MCPH1: variants seen among roughly 807,000 people sequenced by gnomAD.
The protein encoded by MCPH1 is microcephalin.
A neutral mutation model predicts 84.5 loss-of-function variants in MCPH1; 104 were observed. The ratio of observed to expected loss-of-function variants is 1.23; its 90% confidence interval spans 1.05 to 1.45. The LOEUF (loss-of-function observed/expected upper bound fraction) is 1.45, where lower values mean the gene tolerates loss of function less well. Ranked by LOEUF, MCPH1 falls within the 40% of genes most tolerant of loss-of-function variation. The probability of loss-of-function intolerance (pLI) is 0.00; values close to 1 mark genes in which losing one functional copy is unlikely to be tolerated. For synonymous variants in MCPH1, 514 were observed against 366.8 expected (o/e 1.40, Z -4.58); for missense variants, 1,498 against 1,005.7 (o/e 1.49, Z -6.62).
chr8:6,620,293 C>T (rs1175858568), intron 12 of MCPH1: 1 of 152,206 alleles, frequency 6.6e-6, no homozygotes, highest in Non-Finnish European at 1.5e-5. Context: ...ATCGGATCTA[C>T]TCCATTGATG....
At chr8:6,619,412 T>A (rs1266352684) in intron 12 of MCPH1, among the ~76,000 whole-genome samples, 2 of 152,092 alleles carry the variant, frequency 1.3e-5, no homozygotes, top group Non-Finnish European at 2.9e-5. Flanking sequence ...TGCCTCAGCC[T>A]CCCGAGTAGC....
intron 6 of MCPH1, among the ~76,000 whole-genome samples, 199 bp from the exon 7 acceptor site, chr8:6,441,868 A>G (rs180952727): frequency 2.6e-5 from 4 of 152,382 alleles, no homozygotes; most frequent in Admixed American, 6.5e-5. Flanking sequence ...TAAGAAGACT[A>G]GAACAGACTG....
At chr8:6,613,270 G>A (rs556538727) in intron 12 of MCPH1, among the ~76,000 whole-genome samples, 19 of 152,316 alleles carry the variant, frequency 1.2e-4, no homozygotes, top group African/African-American at 4.3e-4. Flanking sequence ...AGGGGAGGAC[G>A]AGCCGGGTAG....
intron 12 of MCPH1, among the ~76,000 whole-genome samples, chr8:6,571,010 A>G (rs1419996442): frequency 6.6e-6 from 1 of 151,444 alleles, no homozygotes; most frequent in Non-Finnish European, 1.5e-5. Flanking sequence ...ATTTTTTAAG[A>G]AAAAAAAATT....
At chr8:6,498,640 G>T (rs1811569994) in intron 11 of MCPH1, among the ~76,000 whole-genome samples, 1 of 152,162 alleles carries the variant, frequency 6.6e-6, no homozygotes, top group African/African-American at 2.4e-5. Flanking sequence ...TTTTAAGGCT[G>T]GTTCATGGCT....
chr8:6,521,163 G>A (rs1817260747), intron 12 of MCPH1: 1 of 1,599,830 alleles, frequency 6.3e-7, no homozygotes, highest in East Asian at 2.2e-5. Flanking sequence ...AAGAAAGCAT[G>A]ATATGTAAAC....
chr8:6,618,425 G>A (rs1282673324), intron 12 of MCPH1: 3 of 152,308 alleles, frequency 2.0e-5, no homozygotes, highest in Non-Finnish European at 2.9e-5. Context: ...CTAAACATTC[G>A]AGAGGTTGAT....
Position 6,406,636 on chromosome 8 carries a change from G to C in MCPH1, c.-32G>C, listed in dbSNP as rs1308690159. The C allele has an allele frequency of 2.5e-6, 4 of 1,610,218 alleles. No homozygotes were observed. The highest frequency in any genetic ancestry group is 2.2e-5 in the South Asian group (2 of 90,602). Reference sequence around the variant, plus strand: ...GCGCCGCCAGGCTCGCAAGCACCGCGTAGGCCAGCTGGCCGGATCCCGCCG... The same window carrying C: ...GCGCCGCCAGGCTCGCAAGCACCGCCTAGGCCAGCTGGCCGGATCCCGCCG... On this transcript the variant is annotated 5_prime_UTR_variant, in exon 1 of 14. Transcript: ENST00000344683.
At chr8:6,512,253 G>A (rs917330863) in intron 12 of MCPH1, among the ~76,000 whole-genome samples, 2 of 152,112 alleles carry the variant, frequency 1.3e-5, no homozygotes, top group Admixed American at 6.5e-5. Context: ...GTTTTCAGTT[G>A]GTTGTTCAGG....
chr8:6,417,760 T>G (rs1288639406), intron 3 of MCPH1, among the ~76,000 whole-genome samples: 2 of 152,250 alleles, frequency 1.3e-5, no homozygotes, highest in East Asian at 3.8e-4. Flanking sequence ...AATAGTTGTC[T>G]TAATGACCTT....
chr8:6,517,166 A>G (rs539535284), intron 12 of MCPH1, among the ~76,000 whole-genome samples: 5 of 152,350 alleles, frequency 3.3e-5, no homozygotes, highest in African/African-American at 1.2e-4. Flanking sequence ...GCAAAGCAGA[A>G]GTCCTCAGAT....
At chr8:6,439,214 T>C in intron 6 of MCPH1, 118 bp downstream of exon 6, 1 of 1,041,910 alleles carries the variant, frequency 9.6e-7, no homozygotes, top group South Asian at 1.5e-5. Context: ...ACATTTTGAC[T>C]TATTTCATGG....
intron 2 of MCPH1, among the ~76,000 whole-genome samples, chr8:6,412,064 G>A (rs1039175783): frequency 2.6e-5 from 4 of 152,148 alleles, no homozygotes; most frequent in African/African-American, 7.2e-5. Flanking sequence ...CTTAAGAGGC[G>A]CTCACCACCA....
chr8:6,499,956 T>G (rs750730300), intron 12 of MCPH1, 27 bp downstream of exon 12: 1 of 1,584,922 alleles, frequency 6.3e-7, no homozygotes, highest in Non-Finnish European at 8.7e-7. Context: ...TTTACGATGG[T>G]AAATGCAGTT....
intron 12 of MCPH1, among the ~76,000 whole-genome samples, chr8:6,578,422 C>T (rs11785293): frequency 0.058 from 8,794 of 152,268 alleles, 344 homozygotes; most frequent in Middle Eastern, 0.15. Flanking sequence ...GTTTTCAGAA[C>T]AGAAGAACTA....
intron 1 of MCPH1, 56 bp downstream of exon 1, chr8:6,406,745 T>C: frequency 6.3e-7 from 1 of 1,593,016 alleles, no homozygotes; most frequent in South Asian, 1.1e-5. Context: ...CCGGCACCCC[T>C]CGTCGCGGGC....
chr8:6,617,000 A>G (rs977699444), intron 12 of MCPH1: 14 of 152,126 alleles, frequency 9.2e-5, no homozygotes, highest in African/African-American at 2.9e-4. Flanking sequence ...TTACAGCTTC[A>G]TAAGTTGTAA....
intron 13 of MCPH1, chr8:6,626,197 C>A (rs534455352): frequency 3.2e-4 from 315 of 985,362 alleles, no homozygotes; most frequent in Non-Finnish European, 3.7e-4. Context: ...CCCCAGCTGC[C>A]CCACCTTGCT....
intron 13 of MCPH1, among the ~76,000 whole-genome samples, chr8:6,623,688 CAAAAAAAAAAAAA>C (rs377522481): frequency 0.05 from 4,613 of 92,414 alleles, 193 homozygotes; most frequent in South Asian, 0.11. Context: ...AACCAACTTC[CAAAAAAAAAAAAA>C]AAAAAAAAAA....
Sources: allele counts gnomAD v4.1 joint callset (sites outside exome capture counted in the v4.1 genomes callset), GRCh38; gene constraint gnomAD v4.1.1; transcripts MANE v1.5; gene names NCBI Gene and HGNC (gene_info 2026-07-23, HGNC 2026-07-21).